TRAPPC9: variants seen among roughly 807,000 people sequenced by gnomAD.
TRAPPC9 encodes IKK2 binding protein.
A neutral mutation model predicts 124.0 loss-of-function variants in TRAPPC9; 83 were observed. The observed-to-expected ratio is 0.67, with a 90% CI of 0.56 to 0.80. The LOEUF (loss-of-function observed/expected upper bound fraction) is 0.80. Among genes scored for constraint, TRAPPC9 ranks in the 30% least tolerant of loss-of-function variants. TRAPPC9 has a pLI of 0.00. For synonymous variants in TRAPPC9, 638 were observed against 617.5 expected (o/e 1.03, Z -0.49); for missense variants, 1,302 against 1,508.3 (o/e 0.86, Z 2.27).
At chr8:140,415,757 C>A (rs547975871) in intron 5 of TRAPPC9, among the ~76,000 whole-genome samples, 1 of 152,040 alleles carries the variant, frequency 6.6e-6, no homozygotes, top group East Asian at 1.9e-4. Context: ...TCACTTGAGG[C>A]CAGGAGTCCA....
chr8:140,193,475 A>G (rs950114900), intron 17 of TRAPPC9, among the ~76,000 whole-genome samples: 5 of 152,138 alleles, frequency 3.3e-5, no homozygotes, highest in Admixed American at 2.0e-4. Context: ...ATAAATCTTC[A>G]AAGTTGAGCT....
chr8:140,158,165 C>T (rs1379867917), intron 17 of TRAPPC9, among the ~76,000 whole-genome samples: 2 of 152,076 alleles, frequency 1.3e-5, no homozygotes, highest in African/African-American at 2.4e-5. Flanking sequence ...TGATAGTAGA[C>T]CAAGTAACAG....
intron 17 of TRAPPC9, among the ~76,000 whole-genome samples, chr8:140,115,646 T>C (rs1298012885): frequency 6.6e-6 from 1 of 152,110 alleles, no homozygotes; most frequent in African/African-American, 2.4e-5. Flanking sequence ...TCTAAGGATG[T>C]GGAACCGGCA....
At chr8:139,994,989 A>C (rs867517630) in intron 18 of TRAPPC9, among the ~76,000 whole-genome samples, 45 of 152,308 alleles carry the variant, frequency 3.0e-4, no homozygotes, top group Middle Eastern at 6.8e-3. Flanking sequence ...TGTTTAAAAA[A>C]AAAAAATGGT....
chr8:140,221,568 C>T lies in TRAPPC9; in HGVS notation c.2447G>A (p.Ser816Asn), dbSNP rs2063339485. Residue 816 changes from serine to asparagine, a missense_variant, in exon 17 of 23, where the codon AGT becomes AAT. By Grantham distance (46) the Ser-to-Asn change is conservative (BLOSUM62 1). Around this residue, in one of 3 missense-constraint regions of TRAPPC9, gnomAD observed 640 missense variants for 679.3 expected, o/e 0.94. Transcript: ENST00000438773. ...AAAAGGACTGGACAGGGGAAAGCCA[C>T]TCACACTGATTCCATCTACAAAATA... ...QDLSDDGISV[S>N]GFPLSSPFRQ... 2 of 1,613,984 alleles carry T rather than the reference C, an allele frequency of 1.2e-6. No homozygotes were observed. The highest frequency in any genetic ancestry group is 1.3e-5 in the African/African-American group (1 of 74,930).
intron 20 of TRAPPC9, among the ~76,000 whole-genome samples, chr8:139,899,482 C>G (rs1327850050): frequency 6.6e-6 from 1 of 152,174 alleles, no homozygotes; most frequent in East Asian, 1.9e-4. Flanking sequence ...CTTCACGTTG[C>G]GTAGGCAGAA....
At chr8:140,021,047 G>A (rs966338144) in intron 18 of TRAPPC9, among the ~76,000 whole-genome samples, 15 of 151,990 alleles carry the variant, frequency 9.9e-5, no homozygotes, top group Admixed American at 6.6e-4. Context: ...TTACTTTCTT[G>A]TATAGTTTGA....
rs564209168 is a variant in TRAPPC9, at chr8:139,847,504, G to C, written c.3055+38375C>G. Among the ~76,000 whole-genome samples the C allele has an allele frequency of 4.6e-5, 7 of 152,296 alleles. No individual in the cohort carries two copies. The South Asian group carries it at 1.4e-3, about 32-fold the overall frequency. The stretch of plus-strand genomic sequence containing the variant: ...TCCCGCCTCGGCCGGGTCTGGGGAT[G>C]GGCACGAGCACCTGCCTCCCTGGAG... On this transcript the variant is annotated intron_variant, in intron 21 of 22. Transcript: ENST00000438773.
intron 19 of TRAPPC9, chr8:139,932,477 T>C (rs1483097486): frequency 6.6e-6 from 3 of 457,512 alleles, no homozygotes; most frequent in Non-Finnish European, 8.8e-6. Context: ...AAATGTCATG[T>C]AGACACTGGG....
intron 18 of TRAPPC9, among the ~76,000 whole-genome samples, chr8:140,010,066 T>C (rs993663259): frequency 3.7e-4 from 56 of 152,244 alleles, no homozygotes; most frequent in African/African-American, 1.3e-3. Flanking sequence ...ATCTAGAAAT[T>C]ACTTATGACT....
chr8:140,397,532 C>G, intron 7 of TRAPPC9, 88 bp downstream of exon 7: 2 of 1,524,352 alleles, frequency 1.3e-6, no homozygotes, highest in East Asian at 4.5e-5. Context: ...TGCTGAACCT[C>G]AGCAAAACGA....
At chr8:140,323,211 G>A (rs1250870358) in intron 9 of TRAPPC9, among the ~76,000 whole-genome samples, 1 of 152,226 alleles carries the variant, frequency 6.6e-6, no homozygotes, top group African/African-American at 2.4e-5. Flanking sequence ...CCTGGAGGGT[G>A]GTACACCTGG....
At chr8:140,027,545 T>C (rs1362333911) in intron 17 of TRAPPC9, among the ~76,000 whole-genome samples, 1 of 152,226 alleles carries the variant, frequency 6.6e-6, no homozygotes, top group Admixed American at 6.5e-5. Context: ...TCTGTGTTTC[T>C]ACTTTCTGGG....
chr8:139,932,942 G>A (rs1419232840), intron 19 of TRAPPC9: 4 of 187,004 alleles, frequency 2.1e-5, no homozygotes, highest in East Asian at 1.5e-4. Context: ...TCTTCTTCCC[G>A]GAACGCCCCT....
chr8:139,974,629 G>A (rs1212065029), intron 19 of TRAPPC9, among the ~76,000 whole-genome samples: 1 of 152,062 alleles, frequency 6.6e-6, no homozygotes, highest in African/African-American at 2.4e-5. Context: ...CAGCCAGCTG[G>A]GGCCCAGGGC....
chr8:140,034,822 G>C (rs1840771237), intron 17 of TRAPPC9, among the ~76,000 whole-genome samples: 1 of 152,238 alleles, frequency 6.6e-6, no homozygotes. Flanking sequence ...TCAAAGCCAG[G>C]TCTGAGTCCG....
At chr8:139,886,377 A>C (rs1830021497) in intron 20 of TRAPPC9, among the ~76,000 whole-genome samples, 1 of 152,246 alleles carries the variant, frequency 6.6e-6, no homozygotes, top group Non-Finnish European at 1.5e-5. Flanking sequence ...TGCTGGTTTC[A>C]CGTCGGTCCT....
chr8:139,956,208 C>T (rs771773002), intron 19 of TRAPPC9, among the ~76,000 whole-genome samples: 1 of 151,878 alleles, frequency 6.6e-6, no homozygotes, highest in African/African-American at 2.4e-5. Context: ...GTCGCCTGGG[C>T]TGGAGTGCAG....
At chr8:139,867,457 A>G (rs1431023413) in intron 21 of TRAPPC9, among the ~76,000 whole-genome samples, 2 of 152,252 alleles carry the variant, frequency 1.3e-5, no homozygotes, top group Non-Finnish European at 2.9e-5. Flanking sequence ...CATGATGAGG[A>G]ATCGGATATC....
Sources: gnomAD v4.1 joint callset for allele counts (sites outside exome capture counted in the v4.1 genomes callset) on GRCh38, gnomAD v4.1.1 for gene constraint, gnomAD v4.1.1 regional missense constraint, MANE v1.5 for transcripts, NCBI Gene and HGNC (gene_info 2026-07-23, HGNC 2026-07-21) for gene names.